The following BMPR1B variants were observed in gnomAD, a reference collection of about 807,000 sequenced individuals.
The protein encoded by BMPR1B is bone morphogenetic protein receptor type 1B, also known as bone morphogenetic protein receptor type-1B.
BMPR1B carries 12 observed loss-of-function variants against 59.1 expected under a neutral mutation model. The observed-to-expected ratio is 0.20, with a 90% CI of 0.13 to 0.33. The LOEUF (loss-of-function observed/expected upper bound fraction) is 0.33, where lower values mean the gene tolerates loss of function less well. BMPR1B is among the 10% of genes least tolerant of loss of function. The pLI is 1.00. For missense variants in BMPR1B, 550 were observed against 610.9 expected (o/e 0.90, Z 1.05); for synonymous variants, 237 against 207.3 (o/e 1.14, Z -1.23).
chr4:94,853,039 G>A (rs184666188), intron 1 of BMPR1B, among the ~76,000 whole-genome samples: 1 of 152,092 alleles, frequency 6.6e-6, no homozygotes, highest in South Asian at 2.1e-4. Flanking sequence ...TTGTGGATTC[G>A]TGGTCCCCAG....
intron 3 of BMPR1B, among the ~76,000 whole-genome samples, chr4:95,011,345 A>C (rs1182028078): frequency 1.3e-5 from 2 of 152,076 alleles, no homozygotes; most frequent in African/African-American, 2.4e-5. Context: ...TCCCTGTGTT[A>C]GTTTGCTAAG....
intron 1 of BMPR1B, among the ~76,000 whole-genome samples, chr4:94,826,550 A>C (rs1213164183): frequency 6.6e-6 from 1 of 151,980 alleles, no homozygotes; most frequent in African/African-American, 2.4e-5. Context: ...AATCGTTGAA[A>C]TTCCTTTTAC....
intron 3 of BMPR1B, among the ~76,000 whole-genome samples, chr4:95,021,435 A>G (rs559435090): frequency 6.6e-6 from 1 of 152,360 alleles, no homozygotes; most frequent in East Asian, 1.9e-4. Flanking sequence ...CTGATTTAAT[A>G]AAATTTAAAC....
At chr4:94,972,066 TATC>T (rs778069869) in intron 2 of BMPR1B, among the ~76,000 whole-genome samples, 11 of 151,774 alleles carry the variant, frequency 7.2e-5, no homozygotes, top group East Asian at 1.9e-4. Flanking sequence ...AACTTAATAG[TATC>T]ATTGCAAATT....
At chr4:94,807,066 G>T (rs1723633316) in intron 1 of BMPR1B, among the ~76,000 whole-genome samples, 1 of 151,886 alleles carries the variant, frequency 6.6e-6, no homozygotes, top group Admixed American at 6.6e-5. Context: ...ATAAAAAATT[G>T]GTATAATTTT....
intron 2 of BMPR1B, among the ~76,000 whole-genome samples, chr4:94,971,498 A>G (rs1023765795): frequency 6.6e-6 from 1 of 152,130 alleles, no homozygotes; most frequent in African/African-American, 2.4e-5. Context: ...TTTTAATTTA[A>G]TTCAGAGGTG....
chr4:94,820,593 C>T (rs1724172395), intron 1 of BMPR1B, among the ~76,000 whole-genome samples: 1 of 152,136 alleles, frequency 6.6e-6, no homozygotes, highest in South Asian at 2.1e-4. Flanking sequence ...CAACAGAAGC[C>T]TTTTCTCTGA....
intron 2 of BMPR1B, among the ~76,000 whole-genome samples, chr4:94,892,254 G>A (rs1183620537): frequency 6.6e-6 from 1 of 151,994 alleles, no homozygotes; most frequent in Admixed American, 6.6e-5. Context: ...GGTTGGTCTG[G>A]GAACCAACAG....
chr4:94,790,451 G>A (rs1165243133), intron 1 of BMPR1B, among the ~76,000 whole-genome samples: 1 of 152,172 alleles, frequency 6.6e-6, no homozygotes, highest in African/African-American at 2.4e-5. Context: ...TCTGGAGGCA[G>A]GAAGGCCAGT....
chr4:95,068,181 G>T (rs1001581737), intron 3 of BMPR1B, among the ~76,000 whole-genome samples: 1 of 152,112 alleles, frequency 6.6e-6, no homozygotes, highest in African/African-American at 2.4e-5. Context: ...TCCTGTGGGT[G>T]TGTAGATCCG....
chr4:95,058,943 A>G (rs1182886659), intron 3 of BMPR1B, among the ~76,000 whole-genome samples: 1 of 152,176 alleles, frequency 6.6e-6, no homozygotes, highest in Non-Finnish European at 1.5e-5. Flanking sequence ...TAGAGTTGAT[A>G]TGCTCAAATA....
At chr4:94,898,166 G>A (rs1235772005) in intron 2 of BMPR1B, among the ~76,000 whole-genome samples, 1 of 151,786 alleles carries the variant, frequency 6.6e-6, no homozygotes, top group East Asian at 1.9e-4. Context: ...TACCCAGGCT[G>A]GTCTTTAACT....
At chr4:95,003,165 GA>G (rs1339244499) in intron 3 of BMPR1B, among the ~76,000 whole-genome samples, 19 of 152,136 alleles carry the variant, frequency 1.2e-4, no homozygotes, top group African/African-American at 4.1e-4. Flanking sequence ...TTGAAACTTA[GA>G]AAGTCTTTTT....
intron 3 of BMPR1B, among the ~76,000 whole-genome samples, chr4:95,009,100 A>G (rs1010219477): frequency 6.6e-6 from 1 of 152,144 alleles, no homozygotes; most frequent in African/African-American, 2.4e-5. Context: ...TTTCATACCT[A>G]CCATGTTGGT....
intron 3 of BMPR1B, among the ~76,000 whole-genome samples, chr4:95,069,588 T>G (rs1302209973): frequency 6.6e-6 from 1 of 152,228 alleles, no homozygotes; most frequent in Non-Finnish European, 1.5e-5. Context: ...TCTGTCCTGT[T>G]TCCTACTTTA....
chr4:95,127,972 C>T (rs7677205), intron 8 of BMPR1B, among the ~76,000 whole-genome samples: 2,615 of 151,770 alleles, frequency 0.017, 75 homozygotes, highest in African/African-American at 0.06. Context: ...ACAGCCTTGA[C>T]CTCCCAGGCT....
At chr4:94,930,948 A>G (rs1578815330) in intron 2 of BMPR1B, among the ~76,000 whole-genome samples, 1 of 151,990 alleles carries the variant, frequency 6.6e-6, no homozygotes, top group African/African-American at 2.4e-5. Context: ...TGTCAGTTTT[A>G]TGAGGACTAA....
chr4:94,888,359 T>G (rs1363895725), intron 2 of BMPR1B, among the ~76,000 whole-genome samples: 4 of 151,928 alleles, frequency 2.6e-5, no homozygotes, highest in African/African-American at 9.7e-5. Context: ...GATATGCCAA[T>G]TAAATCAGAG....
chr4:94,794,268 A>G (rs1190533987), intron 1 of BMPR1B, among the ~76,000 whole-genome samples: 1 of 148,680 alleles, frequency 6.7e-6, no homozygotes, highest in Non-Finnish European at 1.5e-5. Context: ...CCATTTATTA[A>G]ATAGGGAATC....
Sources: gnomAD v4.1 joint callset for allele counts (sites outside exome capture counted in the v4.1 genomes callset) on GRCh38, gnomAD v4.1.1 for gene constraint, MANE v1.5 for transcripts, NCBI Gene and HGNC (gene_info 2026-07-23, HGNC 2026-07-21) for gene names.